PRKD1: variants seen among roughly 807,000 people sequenced by gnomAD.
PRKD1 encodes the protein serine/threonine-protein kinase D1.
Under a neutral mutation model 95.9 loss-of-function variants are expected in PRKD1, and 63 were observed. That is an observed-to-expected ratio of 0.66 (90% CI 0.54 to 0.81). The LOEUF is 0.81. Ranked by LOEUF, PRKD1 falls within the 30% of genes least tolerant of loss-of-function variation. PRKD1 has a pLI of 0.00. For synonymous variants in PRKD1, 425 were observed against 423.1 expected (o/e 1.00, Z -0.05); for missense variants, 1,048 against 1,165.3 (o/e 0.90, Z 1.47).
At position 29,634,601 on chromosome 14, in the gene PRKD1, A is replaced by G. The variant is rs1880247592; in HGVS notation, c.1191-60T>C. On this transcript the variant is annotated intron_variant, in intron 7 of 17. Transcript: ENST00000331968. ...TTTCAGGTACATTTTATGTATTTTC[A>G]TGCATAAAACCTTATGTCAGCTAAT... is the stretch of plus-strand genomic sequence containing the variant. 5 of 1,600,114 alleles carry G rather than the reference A, an allele frequency of 3.1e-6. No individual in the cohort carries two copies. The Admixed American group carries it at 8.3e-5, about 27-fold the overall frequency.
At chr14:29,852,538 G>A (rs1412010798) in intron 1 of PRKD1, among the ~76,000 whole-genome samples, 2 of 150,596 alleles carry the variant, frequency 1.3e-5, no homozygotes, top group African/African-American at 4.9e-5. Flanking sequence ...AGAAGGAGGA[G>A]AGAGAGAGAG....
chr14:29,697,132 C>T (rs575909502), intron 2 of PRKD1, among the ~76,000 whole-genome samples: 10 of 150,642 alleles, frequency 6.6e-5, no homozygotes, highest in East Asian at 1.9e-4. Flanking sequence ...GCCCATGCAC[C>T]GACAGTTTGT....
intron 1 of PRKD1, among the ~76,000 whole-genome samples, chr14:29,816,432 T>C (rs913067474): frequency 6.6e-6 from 1 of 152,206 alleles, no homozygotes; most frequent in African/African-American, 2.4e-5. Context: ...GATGATTTCA[T>C]TGTTTTTAAA....
chr14:29,915,629 T>C (rs1227952694), intron 1 of PRKD1, among the ~76,000 whole-genome samples: 1 of 152,204 alleles, frequency 6.6e-6, no homozygotes, highest in South Asian at 2.1e-4. Flanking sequence ...CCAAAGTGAC[T>C]AGGATTCTAG....
intron 1 of PRKD1, among the ~76,000 whole-genome samples, chr14:29,922,395 T>C (rs1390976195): frequency 6.6e-6 from 1 of 152,064 alleles, no homozygotes; most frequent in East Asian, 1.9e-4. Context: ...GCCTCATTTT[T>C]TGCAGTCTAT....
At chr14:29,775,694 GC>G (rs757461260) in intron 1 of PRKD1, among the ~76,000 whole-genome samples, 1 of 152,154 alleles carries the variant, frequency 6.6e-6, no homozygotes, top group Non-Finnish European at 1.5e-5. Flanking sequence ...AGGCCTCCCT[GC>G]CTCTGTAGAC....
intron 1 of PRKD1, among the ~76,000 whole-genome samples, chr14:29,818,181 A>G (rs1412346624): frequency 6.6e-6 from 1 of 152,210 alleles, no homozygotes; most frequent in Non-Finnish European, 1.5e-5. Flanking sequence ...GCAAGTGTAA[A>G]TGCACAGTAA....
intron 16 of PRKD1, among the ~76,000 whole-genome samples, chr14:29,584,912 A>G (rs1429130553): frequency 2.0e-5 from 3 of 152,182 alleles, no homozygotes; most frequent in African/African-American, 7.2e-5. Flanking sequence ...CTCTTTTGTC[A>G]AGACACAGTA....
At chr14:29,599,862 T>C (rs768086450) in intron 13 of PRKD1, 45 bp from the exon 14 acceptor site, 3 of 1,554,722 alleles carry the variant, frequency 1.9e-6, no homozygotes, top group Admixed American at 1.8e-5. Context: ...AGTTTTTTGA[T>C]ACTGTTTGGC....
intron 2 of PRKD1, among the ~76,000 whole-genome samples, chr14:29,699,214 C>T (rs907646908): frequency 1.5e-4 from 23 of 152,238 alleles, no homozygotes; most frequent in African/African-American, 5.5e-4. Flanking sequence ...TTTTGTTTTA[C>T]AATTTTTGAA....
At chr14:29,699,813 AT>A (rs765290370) in intron 2 of PRKD1, among the ~76,000 whole-genome samples, 1 of 152,146 alleles carries the variant, frequency 6.6e-6, no homozygotes, top group East Asian at 1.9e-4. Flanking sequence ...GTGACACTGC[AT>A]TTTTATACAC....
chr14:29,632,515 A>C (rs1880073794), intron 9 of PRKD1, among the ~76,000 whole-genome samples: 1 of 152,142 alleles, frequency 6.6e-6, no homozygotes, highest in Non-Finnish European at 1.5e-5. Context: ...AGTGTGCTAG[A>C]TGCAGTGGAT....
intron 2 of PRKD1, among the ~76,000 whole-genome samples, chr14:29,715,740 C>T (rs1463090497): frequency 6.6e-6 from 1 of 152,110 alleles, no homozygotes; most frequent in Non-Finnish European, 1.5e-5. Flanking sequence ...CTGTAATTGC[C>T]TAAAACATTT....
At chr14:29,696,288 A>AT (rs1431755567) in intron 2 of PRKD1, among the ~76,000 whole-genome samples, 2 of 152,122 alleles carry the variant, frequency 1.3e-5, no homozygotes, top group Non-Finnish European at 2.9e-5. Context: ...TTTATTTTTT[A>AT]TTTTTCAAAT....
intron 1 of PRKD1, among the ~76,000 whole-genome samples, chr14:29,851,438 T>A (rs574191395): frequency 3.6e-4 from 55 of 152,152 alleles, no homozygotes; most frequent in African/African-American, 1.3e-3. Context: ...ACAATTCTCA[T>A]GAGAAGACAT....
intron 1 of PRKD1, among the ~76,000 whole-genome samples, chr14:29,730,667 T>C (rs1886387110): frequency 6.6e-6 from 1 of 152,110 alleles, no homozygotes; most frequent in African/African-American, 2.4e-5. Flanking sequence ...TGTGGTGTAT[T>C]GATACAGAAT....
At chr14:29,890,177 G>C (rs1215796125) in intron 1 of PRKD1, among the ~76,000 whole-genome samples, 1 of 152,148 alleles carries the variant, frequency 6.6e-6, no homozygotes, top group Non-Finnish European at 1.5e-5. Context: ...GTTCTCCTGA[G>C]ATAAAGCAAA....
chr14:29,676,016 T>A (rs1372256018), intron 2 of PRKD1, among the ~76,000 whole-genome samples: 2 of 147,844 alleles, frequency 1.4e-5, no homozygotes, highest in Non-Finnish European at 3.0e-5. Flanking sequence ...CATTAGGAGA[T>A]ATACCTAATG....
At chr14:29,638,458 G>T in intron 6 of PRKD1, 31 bp downstream of exon 6, 1 of 1,608,440 alleles carries the variant, frequency 6.2e-7, no homozygotes, top group Non-Finnish European at 8.5e-7. Flanking sequence ...TATGGAAGAA[G>T]CACAGACATG....
Sources: gnomAD v4.1 joint callset for allele counts (sites outside exome capture counted in the v4.1 genomes callset) on GRCh38, gnomAD v4.1.1 for gene constraint, MANE v1.5 for transcripts, NCBI Gene and HGNC (gene_info 2026-07-23, HGNC 2026-07-21) for gene names.